The following PALMD variants were observed in gnomAD, a reference collection of about 807,000 sequenced individuals.
PALMD encodes palmdelphin.
Under a neutral mutation model 56.2 loss-of-function variants are expected in PALMD, and 42 were observed. The observed-to-expected ratio is 0.75, with a 90% CI of 0.58 to 0.97. The LOEUF (loss-of-function observed/expected upper bound fraction) is 0.97. Among genes scored for constraint, PALMD ranks in the 50% least tolerant of loss-of-function variants. The probability of loss-of-function intolerance (pLI) is 0.00; values close to 1 mark genes in which losing one functional copy is unlikely to be tolerated. For synonymous variants in PALMD, 242 were observed against 222.9 expected (o/e 1.09, Z -0.76); for missense variants, 660 against 643.8 (o/e 1.03, Z -0.27).
chr1:99,675,148 A>G (rs1270601709), intron 3 of PALMD, among the ~76,000 whole-genome samples: 1 of 152,222 alleles, frequency 6.6e-6, no homozygotes, highest in Non-Finnish European at 1.5e-5. Context: ...GTTCCTTGGT[A>G]TCAAATATGA....
At chr1:99,683,058 G>GAAAGAA (rs1271225136) in intron 3 of PALMD, among the ~76,000 whole-genome samples, 5 of 18,344 alleles carry the variant, frequency 2.7e-4, no homozygotes, top group East Asian at 1.4e-3. Flanking sequence ...GAAAGAAAGA[G>GAAAGAA]AGAGAGAGAG....
chr1:99,689,035 G>C lies in PALMD; in HGVS notation c.775G>C (p.Glu259Gln). 1 of 1,613,710 alleles carries C rather than the reference G, an allele frequency of 6.2e-7. No individual in the cohort carries two copies. Among genetic ancestry groups the C allele is most frequent in the Non-Finnish European group, 8.5e-7 (1 of 1,179,804 alleles). The part of the protein sequence containing the change: ...RNSKSPTEYH[E>Q]PVYANPFYRP... ...CTCTAAATCCCCAACAGAGTATCAT[G>C]AGCCTGTATATGCCAATCCCTTTTA... is the stretch of plus-strand genomic sequence containing the variant. Residue 259 changes from glutamate (E) to glutamine (Q), a missense_variant, in exon 7 of 8, where the codon GAG (glutamate) becomes CAG (glutamine). Transcript: ENST00000263174.
Position 99,670,896 on chromosome 1 carries a change from CAAAAACAA to C in PALMD, c.251+3148_251+3155del, listed in dbSNP as rs528895559. 5.8e-4 allele frequency among the ~76,000 whole-genome samples: 88 copies of C among 151,914 alleles called. 1 individual carries two copies. Among genetic ancestry groups the C allele is most frequent in the African/African-American group, 8.9e-4 (37 of 41,410 alleles). On this transcript the variant is annotated intron_variant, in intron 3 of 7. Coordinates refer to ENST00000263174, the MANE Select transcript of PALMD (RefSeq NM_017734.5). ...ATGTTTGTAAAGCTGCTAAAAAAAA[CAAAAACAA>C]AAAAACAAAAAAACAAATCAGGTGC...
chr1:99,686,721 C>T lies in PALMD; in HGVS notation c.297C>T (p.Ile99=). ...ATCTTGAAAAAGCTGAACTGCAAAT[C>T]TCAACGAAGGAAGAGGCCATTTTAA... ...IQDLEKAELQ[I]STKEEAILKK... Residue 99 remains isoleucine (I), a synonymous_variant, in exon 4 of 8, where the codon ATC becomes ATT. Transcript: ENST00000263174. 2 of 1,608,896 alleles carry T rather than the reference C, an allele frequency of 1.2e-6. No homozygotes were observed.
chr1:99,685,062 TA>T (rs1469715021), intron 3 of PALMD: 1 of 152,238 alleles, frequency 6.6e-6, no homozygotes, highest in African/African-American at 2.4e-5. Context: ...AGACATACAG[TA>T]TGTTGCAGAA....
At chr1:99,652,274 C>T (rs1652603288) in intron 1 of PALMD, among the ~76,000 whole-genome samples, 1 of 152,150 alleles carries the variant, frequency 6.6e-6, no homozygotes, top group Admixed American at 6.6e-5. Flanking sequence ...TTTTTATAAA[C>T]ATCAACATCA....
chr1:99,652,136 GCATAT>G (rs1652600680), intron 1 of PALMD, among the ~76,000 whole-genome samples: 1 of 152,192 alleles, frequency 6.6e-6, no homozygotes, highest in Non-Finnish European at 1.5e-5. Context: ...ATTTTCAAAA[GCATAT>G]GTTATCATTC....
chr1:99,686,854 AT>A, intron 4 of PALMD, 64 bp downstream of exon 4: 1 of 1,373,992 alleles, frequency 7.3e-7, no homozygotes, highest in South Asian at 1.2e-5. Context: ...ATACTATATA[AT>A]TTTTCAAAGC....
chr1:99,647,608 A>C (rs1340768703), intron 1 of PALMD, among the ~76,000 whole-genome samples: 1 of 152,172 alleles, frequency 6.6e-6, no homozygotes, highest in Admixed American at 6.5e-5. Context: ...CTTTTTTGTC[A>C]TTAAACTCAG....
At position 99,667,642 on chromosome 1, in the gene PALMD, A is replaced by G. The variant is rs1652996363; in HGVS notation, c.127A>G (p.Lys43Glu). The G allele has an allele frequency of 6.2e-7, 1 of 1,610,448 alleles. No individual in the cohort carries two copies. Among genetic ancestry groups the G allele is most frequent in the African/African-American group, 1.3e-5 (1 of 74,828 alleles). ...ATATCTTTATGTTTCCTGACATCAG[A>G]AAAAGGCCTTGAGGGAGAAATGGCT... ...EDKLKHQHLK[K>E]KALREKWLLD... The change falls in exon 3 of 8, where the codon AAA becomes GAA. Residue 43 changes from lysine (K) to glutamate (E), a missense_variant and splice_region_variant. Physicochemically the swap from Lys to Glu is moderately conservative, Grantham distance 56. Transcript: ENST00000263174.
At chr1:99,662,854 T>A (rs897360642) in intron 2 of PALMD, among the ~76,000 whole-genome samples, 1 of 152,204 alleles carries the variant, frequency 6.6e-6, no homozygotes, top group Non-Finnish European at 1.5e-5. Flanking sequence ...CCAATGTTGT[T>A]TGAGTATGCT....
chr1:99,667,602 G>A (rs752434502), intron 2 of PALMD, 40 bp from the exon 3 acceptor site: 1 of 1,572,248 alleles, frequency 6.4e-7, no homozygotes, highest in East Asian at 2.2e-5. Flanking sequence ...GGAAATTATT[G>A]ACCAATATAA....
intron 4 of PALMD, 50 bp from the exon 5 acceptor site, chr1:99,686,880 A>G (rs766042333): frequency 1.4e-6 from 2 of 1,413,194 alleles, no homozygotes; most frequent in Admixed American, 3.8e-5. Context: ...CCACATTTAG[A>G]TTCTATTTTT....
chr1:99,693,512 T>C (rs912926721), intron 7 of PALMD, among the ~76,000 whole-genome samples: 3 of 152,218 alleles, frequency 2.0e-5, no homozygotes, highest in South Asian at 2.1e-4. Context: ...CAGCTTTTAA[T>C]AACTTGTTCC....
intron 3 of PALMD, among the ~76,000 whole-genome samples, chr1:99,671,504 C>A (rs975424811): frequency 6.6e-6 from 1 of 152,156 alleles, no homozygotes; most frequent in Non-Finnish European, 1.5e-5. Flanking sequence ...CTAGTCCTTA[C>A]TAAAAGGTGA....
At chr1:99,684,719 G>A (rs1240053734) in intron 3 of PALMD, 1 of 152,144 alleles carries the variant, frequency 6.6e-6, no homozygotes, top group Non-Finnish European at 1.5e-5. Flanking sequence ...GTCTCACTAT[G>A]TTGTCCAGGC....
At chr1:99,680,200 G>A (rs992377189) in intron 3 of PALMD, among the ~76,000 whole-genome samples, 13 of 152,080 alleles carry the variant, frequency 8.5e-5, no homozygotes, top group African/African-American at 3.1e-4. Flanking sequence ...TTTATGTGCT[G>A]TCCTTTTTTC....
At chr1:99,662,223 A>G in intron 1 of PALMD, 96 bp from the exon 2 acceptor site, 2 of 684,556 alleles carry the variant, frequency 2.9e-6, no homozygotes, top group South Asian at 1.7e-5. Context: ...CCAAAAAAAT[A>G]TCAGTAACGG....
chr1:99,647,682 T>C (rs1652473604), intron 1 of PALMD, among the ~76,000 whole-genome samples: 1 of 152,282 alleles, frequency 6.6e-6, no homozygotes, highest in Admixed American at 6.5e-5. Context: ...GTTTTTGGCA[T>C]GGGCCTTTTA....
Sources: gnomAD v4.1 joint callset for allele counts (sites outside exome capture counted in the v4.1 genomes callset) on GRCh38, gnomAD v4.1.1 for gene constraint, MANE v1.5 for transcripts, NCBI Gene and HGNC (gene_info 2026-07-23, HGNC 2026-07-21) for gene names.